The following BBX variants were observed in gnomAD, a reference collection of about 807,000 sequenced individuals.
BBX encodes HMG box transcription factor BBX.
A neutral mutation model predicts 100.2 loss-of-function variants in BBX; 30 were observed. That is an observed-to-expected ratio of 0.30 (90% CI 0.22 to 0.41). The LOEUF (loss-of-function observed/expected upper bound fraction) is 0.41. Ranked by LOEUF, BBX falls within the 10% of genes least tolerant of loss-of-function variation. BBX has a pLI of 1.00. For synonymous variants in BBX, 376 were observed against 388.1 expected (o/e 0.97, Z 0.37); for missense variants, 1,023 against 1,129.8 (o/e 0.91, Z 1.35).
At chr3:107,613,731 C>T (rs2055025292) in intron 2 of BBX, among the ~76,000 whole-genome samples, 1 of 151,958 alleles carries the variant, frequency 6.6e-6, no homozygotes, top group Non-Finnish European at 1.5e-5. Context: ...AGATTTAAAA[C>T]CCTAACCTCT....
intron 3 of BBX, among the ~76,000 whole-genome samples, chr3:107,658,720 T>TTG (rs139059517): frequency 7.2e-4 from 109 of 151,388 alleles, no homozygotes; most frequent in Middle Eastern, 3.4e-3. Flanking sequence ...ATTTCTTTGT[T>TTG]TGTGTGTGTG....
intron 2 of BBX, among the ~76,000 whole-genome samples, chr3:107,573,730 C>G (rs2051552229): frequency 6.6e-6 from 1 of 152,136 alleles, no homozygotes; most frequent in Non-Finnish European, 1.5e-5. Flanking sequence ...TAAAATCTCT[C>G]TCTCTTTTTT....
At chr3:107,722,504 T>A (rs1263866586) in intron 5 of BBX, among the ~76,000 whole-genome samples, 1 of 152,064 alleles carries the variant, frequency 6.6e-6, no homozygotes, top group Admixed American at 6.6e-5. Flanking sequence ...ATTGCCATAA[T>A]AATTTTCGCC....
chr3:107,761,920 C>T (rs926157941), intron 10 of BBX, among the ~76,000 whole-genome samples: 18 of 152,126 alleles, frequency 1.2e-4, no homozygotes, highest in Non-Finnish European at 2.4e-4. Context: ...TATTGATGTG[C>T]ATTATCCCTT....
At chr3:107,618,343 A>C (rs2055459321) in intron 2 of BBX, among the ~76,000 whole-genome samples, 1 of 151,852 alleles carries the variant, frequency 6.6e-6, no homozygotes, top group East Asian at 1.9e-4. Context: ...TTTTGGCATC[A>C]TCTTTGTCTG....
chr3:107,764,259 G>A lies in BBX; in HGVS notation c.907-8369G>A, dbSNP rs562769425. Among the ~76,000 whole-genome samples, 59 of 152,136 alleles carry A rather than the reference G, an allele frequency of 3.9e-4. 1 individual carries two copies. The highest frequency in any genetic ancestry group is 6.8e-3 in the Middle Eastern group (2 of 294). ...CACCTGCCTCAGCCTCCCAAAGTGCGGGGATTACAGGCGTGAGCCACCACG... is the reference window on the plus strand; with the variant it reads ...CACCTGCCTCAGCCTCCCAAAGTGCAGGGATTACAGGCGTGAGCCACCACG... On this transcript the variant is annotated intron_variant, in intron 10 of 17. Coordinates refer to ENST00000325805, the MANE Select transcript of BBX (RefSeq NM_001142568.3).
intron 13 of BBX, among the ~76,000 whole-genome samples, chr3:107,782,169 T>G (rs2067962340): frequency 6.6e-6 from 1 of 152,138 alleles, no homozygotes; most frequent in Non-Finnish European, 1.5e-5. Context: ...TAACAATGCA[T>G]GCATGTCCAG....
intron 3 of BBX, among the ~76,000 whole-genome samples, chr3:107,656,311 T>A (rs1387939231): frequency 6.6e-6 from 1 of 152,206 alleles, no homozygotes; most frequent in Non-Finnish European, 1.5e-5. Context: ...TGTATTAATT[T>A]TGAATATCTC....
chr3:107,616,620 A>T (rs1280641735), intron 2 of BBX, among the ~76,000 whole-genome samples: 1 of 151,822 alleles, frequency 6.6e-6, no homozygotes. Context: ...TGGCAATCTC[A>T]TTGTGGTTTG....
intron 8 of BBX, 55 bp downstream of exon 8, chr3:107,744,765 A>G (rs2064426827): frequency 4.4e-6 from 6 of 1,378,822 alleles, no homozygotes; most frequent in Non-Finnish European, 6.2e-6. Flanking sequence ...GTGGGCTTAA[A>G]TTGGGGCTGA....
intron 3 of BBX, among the ~76,000 whole-genome samples, chr3:107,695,946 A>T (rs1250591037): frequency 6.6e-6 from 1 of 151,828 alleles, no homozygotes; most frequent in Non-Finnish European, 1.5e-5. Context: ...TTTACCATTA[A>T]GTAATGGCCT....
In BBX at chr3:107,807,080, ACT is replaced by A. The variant is rs2071102525; in HGVS notation, c.*1626_*1627del. The A allele has an allele frequency of 6.6e-6, 1 of 151,964 alleles. No individual in the cohort carries two copies. Among genetic ancestry groups the A allele is most frequent in the Non-Finnish European group, 1.5e-5 (1 of 68,008 alleles). 9.4% of individuals were successfully genotyped at this position (151,964 alleles called of 1,614,324 possible). ...TGACGTAATAGCCATACAAAAAATGACTCTATTCATACTAGGTTTAGCTTCTC... is the reference window on the plus strand; with the variant it reads ...TGACGTAATAGCCATACAAAAAATGACTATTCATACTAGGTTTAGCTTCTC... On this transcript the variant is annotated 3_prime_UTR_variant, in exon 18 of 18. Coordinates refer to ENST00000325805, the MANE Select transcript of BBX (RefSeq NM_001142568.3).
chr3:107,791,363 G>T (rs1205747647), intron 15 of BBX, 64 bp downstream of exon 15: 2 of 1,306,348 alleles, frequency 1.5e-6, no homozygotes, highest in Admixed American at 1.7e-5. Context: ...AGTTGTATAG[G>T]TTTTTAAAAG....
intron 13 of BBX, among the ~76,000 whole-genome samples, chr3:107,782,917 A>G (rs973717331): frequency 2.0e-5 from 3 of 152,004 alleles, no homozygotes; most frequent in East Asian, 3.9e-4. Context: ...AGCTTGAGAT[A>G]TCATAGTAGA....
intron 5 of BBX, among the ~76,000 whole-genome samples, chr3:107,720,015 A>G (rs972746906): frequency 6.6e-6 from 1 of 152,016 alleles, no homozygotes. Context: ...TATCATACCC[A>G]CTGTTTTAGC....
intron 2 of BBX, among the ~76,000 whole-genome samples, chr3:107,643,138 G>GC (rs1314242358): frequency 1.3e-5 from 2 of 152,226 alleles, no homozygotes; most frequent in African/African-American, 4.8e-5. Context: ...TTGGGAATCT[G>GC]CCTCATTGTA....
At position 107,690,751 on chromosome 3, in the gene BBX, C is replaced by G. The variant is rs375057433; in HGVS notation, c.-9-19701C>G. Among the ~76,000 whole-genome samples, 255 of 151,914 alleles carry G rather than the reference C, an allele frequency of 1.7e-3. 7 individuals are homozygous for G. The South Asian group carries it at 0.052, about 31-fold the overall frequency. Reference sequence around the variant, plus strand: ...TAAATTGGGCTGTAAGGAAGATACTCTAGGGTACTTCAGTAAACGTGTATC... The same window carrying G: ...TAAATTGGGCTGTAAGGAAGATACTGTAGGGTACTTCAGTAAACGTGTATC... On this transcript the variant is annotated intron_variant, in intron 3 of 17. Transcript: ENST00000325805.
intron 4 of BBX, among the ~76,000 whole-genome samples, chr3:107,715,890 AGAG>A (rs2062067480): frequency 6.6e-6 from 1 of 152,222 alleles, no homozygotes; most frequent in Admixed American, 6.5e-5. Flanking sequence ...GTTTAAGCCT[AGAG>A]GAGTTTATTC....
chr3:107,710,486 A>G lies in BBX; in HGVS notation c.26A>G (p.Asp9Gly), dbSNP rs760866987. ...ATGAAAGGCAGTAATAGAAATAAGG[A>G]TCATTCAGCAGAAGGAGAAGGGGTT... MKGSNRNK[D>G]HSAEGEGVGK... Residue 9 changes from aspartate (D) to glycine (G), a missense_variant, in exon 4 of 18, where the codon GAT becomes GGT. Physicochemically the swap from Asp to Gly is moderately conservative, Grantham distance 94 (BLOSUM62 -1). This residue lies in a region of BBX where 229 missense variants were observed against 226.3 expected (regional missense o/e 1.01). Transcript: ENST00000325805. 1.2e-6 allele frequency: 2 copies of G among 1,613,660 alleles called. No individual in the cohort carries two copies. The highest frequency in any genetic ancestry group is 2.7e-5 in the African/African-American group (2 of 74,908).
Sources: gnomAD v4.1 joint callset for allele counts (sites outside exome capture counted in the v4.1 genomes callset) on GRCh38, gnomAD v4.1.1 for gene constraint, gnomAD v4.1.1 regional missense constraint, MANE v1.5 for transcripts, NCBI Gene and HGNC (gene_info 2026-07-23, HGNC 2026-07-21) for gene names.